Variants in NEK11 observed in about 807,000 individuals in gnomAD.
NEK11 encodes the protein serine/threonine-protein kinase Nek11.
NEK11 carries 72 observed loss-of-function variants against 80.7 expected under a neutral mutation model. That is an observed-to-expected ratio of 0.89 (90% CI 0.74 to 1.08). NEK11 has a LOEUF of 1.08. Ranked by LOEUF, NEK11 falls within the 50% of genes least tolerant of loss-of-function variation. NEK11 has a pLI of 0.00. For synonymous variants in NEK11, 251 were observed against 260.7 expected (o/e 0.96, Z 0.36); for missense variants, 764 against 763.6 (o/e 1.00, Z -0.01).
chr3:131,311,357 T>G (rs74635838), intron 17 of NEK11, among the ~76,000 whole-genome samples: 1 of 152,290 alleles, frequency 6.6e-6, no homozygotes, highest in East Asian at 1.9e-4. Flanking sequence ...AACTTACTCC[T>G]TCTATCTACC....
chr3:131,189,921 G>C (rs1260575303), intron 14 of NEK11, among the ~76,000 whole-genome samples: 1 of 152,110 alleles, frequency 6.6e-6, no homozygotes, highest in East Asian at 1.9e-4. Context: ...TTTCATTATT[G>C]TTAAAGGCTT....
chr3:131,049,829 A>G (rs1430718060), intron 3 of NEK11, among the ~76,000 whole-genome samples: 1 of 152,182 alleles, frequency 6.6e-6, no homozygotes, highest in Non-Finnish European at 1.5e-5. Context: ...TGTTTTTTAA[A>G]CTATATATCT....
chr3:131,090,668 A>T (rs62284168), intron 4 of NEK11, among the ~76,000 whole-genome samples: 19,398 of 152,226 alleles, frequency 0.13, 1,546 homozygotes, highest in Non-Finnish European at 0.17. Context: ...TAAAAACTGT[A>T]TTTCTTTGTT....
At chr3:131,237,392 T>A (rs1320152839) in intron 15 of NEK11, among the ~76,000 whole-genome samples, 1 of 152,198 alleles carries the variant, frequency 6.6e-6, no homozygotes, top group Non-Finnish European at 1.5e-5. Context: ...CATTCATTTA[T>A]GCATCACATA....
intron 7 of NEK11, among the ~76,000 whole-genome samples, chr3:131,140,606 A>G (rs2086670270): frequency 6.6e-6 from 1 of 152,218 alleles, no homozygotes; most frequent in Non-Finnish European, 1.5e-5. Context: ...GAGAACGGCA[A>G]GCAGGAGTTG....
At chr3:131,306,504 C>T (rs1242108800) in intron 17 of NEK11, among the ~76,000 whole-genome samples, 2 of 152,122 alleles carry the variant, frequency 1.3e-5, no homozygotes, top group African/African-American at 2.4e-5. Context: ...TGGGTATTTC[C>T]CTTCTCTCAT....
intron 5 of NEK11, among the ~76,000 whole-genome samples, chr3:131,114,418 A>G (rs2080682892): frequency 6.6e-6 from 1 of 152,200 alleles, no homozygotes; most frequent in Non-Finnish European, 1.5e-5. Flanking sequence ...AGCAGCAATC[A>G]TTTCCTGCTC....
At chr3:131,343,984 G>C (rs535747634) in intron 17 of NEK11, among the ~76,000 whole-genome samples, 1 of 152,128 alleles carries the variant, frequency 6.6e-6, no homozygotes. Flanking sequence ...TCTAGCAGGT[G>C]GTTGCTCCAT....
intron 7 of NEK11, among the ~76,000 whole-genome samples, chr3:131,151,934 T>G (rs2089717712): frequency 6.6e-6 from 1 of 152,176 alleles, no homozygotes. Flanking sequence ...AGTTTCCTTT[T>G]CAAAATGCTT....
chr3:131,165,244 T>G (rs1480027587), intron 11 of NEK11, 182 bp from the exon 12 acceptor site: 1 of 555,644 alleles, frequency 1.8e-6, no homozygotes, highest in Non-Finnish European at 3.3e-6. Flanking sequence ...ATCTTGTGTG[T>G]GCTTTAAAAG....
intron 3 of NEK11, among the ~76,000 whole-genome samples, chr3:131,048,294 TC>T (rs944379865): frequency 2.6e-5 from 4 of 152,138 alleles, no homozygotes; most frequent in African/African-American, 9.6e-5. Flanking sequence ...ATTCGCCCCC[TC>T]CCCCAGGTTC....
chr3:131,256,993 AT>A (rs201519829), intron 16 of NEK11, among the ~76,000 whole-genome samples: 25 of 150,778 alleles, frequency 1.7e-4, no homozygotes, highest in East Asian at 1.6e-3. Flanking sequence ...CTCATTATCA[AT>A]TTTTTTTTAA....
chr3:131,254,830 G>A (rs1242648994), intron 16 of NEK11, among the ~76,000 whole-genome samples: 1 of 152,008 alleles, frequency 6.6e-6, no homozygotes, highest in Non-Finnish European at 1.5e-5. Flanking sequence ...GACCAGCCAG[G>A]CCAACATGGT....
intron 3 of NEK11, among the ~76,000 whole-genome samples, chr3:131,037,232 T>TTTGGGTCAG (rs3993329): frequency 0.91 from 138,083 of 151,858 alleles, 63,313 homozygotes; most frequent in Non-Finnish European, 0.95. Context: ...GGAAGCATTT[T>TTTGGGTCAG]TTGTGAGTTA....
intron 3 of NEK11, among the ~76,000 whole-genome samples, chr3:131,042,918 AG>A (rs2066752532): frequency 6.6e-6 from 1 of 152,220 alleles, no homozygotes; most frequent in Non-Finnish European, 1.5e-5. Flanking sequence ...AGGAAGGAAC[AG>A]GCAGCAATCT....
chr3:131,334,887 T>G (rs555270881), intron 17 of NEK11, among the ~76,000 whole-genome samples: 211 of 152,344 alleles, frequency 1.4e-3, no homozygotes, highest in Middle Eastern at 6.8e-3. Flanking sequence ...GATAAATTCC[T>G]TGACCCATAC....
intron 16 of NEK11, among the ~76,000 whole-genome samples, chr3:131,264,211 A>C (rs1230804435): frequency 6.6e-6 from 1 of 152,086 alleles, no homozygotes; most frequent in African/African-American, 2.4e-5. Context: ...GAAGCTCTTT[A>C]GTTTAATTAG....
At chr3:131,131,863 G>C (rs1438389318) in intron 5 of NEK11, among the ~76,000 whole-genome samples, 7 of 151,798 alleles carry the variant, frequency 4.6e-5, no homozygotes, top group Non-Finnish European at 7.4e-5. Flanking sequence ...TCTAAGCACT[G>C]CTTTTGCTAT....
In NEK11 at chr3:131,228,588, G is replaced by A; in HGVS notation, c.1460G>A (p.Cys487Tyr). 6.2e-7 allele frequency: 1 copy of A among 1,613,670 alleles called. No homozygotes were observed. Among genetic ancestry groups the A allele is most frequent in the Non-Finnish European group, 8.5e-7 (1 of 1,179,662 alleles). Reference sequence around the variant, plus strand: ...TACGCTGATGCATTTGATTCCTATTGTGAAGAGAGTGATGAGGAGGAAGAA... The same window carrying A: ...TACGCTGATGCATTTGATTCCTATTATGAAGAGAGTGATGAGGAGGAAGAA... ...EYYADAFDSY[C>Y]EESDEEEEEI... Residue 487 changes from cysteine (C) to tyrosine (Y), a missense_variant, in exon 15 of 18, where the codon TGT becomes TAT. Physicochemically the swap from Cys to Tyr is radical, Grantham distance 194. Transcript: ENST00000383366.
Sources: gnomAD v4.1 joint callset for allele counts (sites outside exome capture counted in the v4.1 genomes callset) on GRCh38, gnomAD v4.1.1 for gene constraint, MANE v1.5 for transcripts, NCBI Gene and HGNC (gene_info 2026-07-23, HGNC 2026-07-21) for gene names.